Variants in LTO1 observed in about 807,000 individuals in gnomAD.
The protein encoded by LTO1 is protein LTO1 homolog.
A neutral mutation model predicts 19.8 loss-of-function variants in LTO1; 18 were observed. The observed-to-expected ratio is 0.91, with a 90% CI of 0.63 to 1.35. LTO1 has a LOEUF of 1.35. LTO1 is among the 40% of genes most tolerant of loss of function. The pLI is 0.00. For synonymous variants in LTO1, 59 were observed against 59.6 expected (o/e 0.99, Z 0.05); for missense variants, 175 against 167.9 (o/e 1.04, Z -0.23).
chr11:69,667,527 A>G lies in LTO1; in HGVS notation c.406T>C (p.Ser136Pro). 1 of 1,607,140 alleles carries G rather than the reference A, an allele frequency of 6.2e-7. No homozygotes were observed. Among genetic ancestry groups the G allele is most frequent in the East Asian group, 2.2e-5 (1 of 44,850 alleles). The change falls in exon 5 of 5, where the codon TCA becomes CCA. Residue 136 changes from serine to proline, a missense_variant. Ser to Pro is a moderately conservative substitution (Grantham distance 74, BLOSUM62 -1). Coordinates refer to ENST00000279147, the MANE Select transcript of LTO1 (RefSeq NM_153451.3). ...CTGTTCATCCATCCTCCTCAAAATG[A>G]AAGTCCGGAACCTTCTGCACTAATT... ...FKISAEGSGL[S>P]F is the part of the protein sequence containing the mutation.
intron 1 of LTO1, chr11:69,674,981 T>G (rs567512541): frequency 7.2e-6 from 5 of 693,956 alleles, no homozygotes; most frequent in African/African-American, 5.3e-5. Context: ...GAAGAGCAGC[T>G]GGGCACGTGC....
In LTO1 at chr11:69,674,860, G is replaced by A. The variant is rs892198015; in HGVS notation, c.50+330C>T. On this transcript the variant is annotated intron_variant, in intron 1 of 4. Transcript: ENST00000279147. ...GATTAAGGAACCAGAAAAAAAGGCA[G>A]CTCCCAGATGGCAAAGGTCTGTCCT... is the stretch of plus-strand genomic sequence containing the variant. The A allele has an allele frequency of 1.0e-5, 6 of 602,850 alleles. No individual in the cohort carries two copies. In the African/African-American group the frequency reaches 1.1e-4, roughly 11 times the overall value. The allele number at this position is 602,850 out of a possible 1,614,324, so 37.3% of individuals were successfully genotyped here. A position where few individuals can be genotyped will look rare whatever the true frequency, so the allele number is the denominator to read the frequency against.
At chr11:69,673,370 T>G (rs768936586) in intron 1 of LTO1, 49 bp from the exon 2 acceptor site, 1 of 1,288,326 alleles carries the variant, frequency 7.8e-7, no homozygotes. Flanking sequence ...AAAGAATACT[T>G]TCTCCAGAAA....
intron 3 of LTO1, 187 bp from the exon 4 acceptor site, chr11:69,668,199 T>A (rs920566007): frequency 7.3e-6 from 4 of 550,080 alleles, no homozygotes; most frequent in Non-Finnish European, 1.3e-5. Flanking sequence ...CTTAGGCCCA[T>A]ACCCAGTGCC....
At position 69,671,749 on chromosome 11, in the gene LTO1, C is replaced by G; in HGVS notation, c.227G>C (p.Ser76Thr). The G allele has an allele frequency of 6.4e-7, 1 of 1,567,172 alleles. No individual in the cohort carries two copies. Among genetic ancestry groups the G allele is most frequent in the East Asian group, 2.2e-5 (1 of 44,652 alleles). Reference sequence around the variant, plus strand: ...GAAAGAAAGACATCTCCACCTTTACCTGTCCTTCTCAGTGGTGCAACTGTG... The same window carrying G: ...GAAAGAAAGACATCTCCACCTTTACGTGTCCTTCTCAGTGGTGCAACTGTG... ...LLHSCTTEKD[S>T]RKMKVLESLI... The change falls in exon 3 of 5, where the codon AGC (serine) becomes ACC (threonine). Residue 76 changes from serine (S) to threonine (T), a missense_variant and splice_region_variant. Transcript: ENST00000279147.
At chr11:69,668,670 G>GT (rs1203393247) in intron 3 of LTO1, among the ~76,000 whole-genome samples, 16 of 98,886 alleles carry the variant, frequency 1.6e-4, no homozygotes, top group African/African-American at 5.0e-4. Flanking sequence ...ATTAATTTCT[G>GT]TTTTGTTTTT....
Position 69,675,106 on chromosome 11 carries a change from C to A in LTO1, c.50+84G>T, listed in dbSNP as rs557789306. 2.5e-5 allele frequency: 32 copies of A among 1,288,244 alleles called. No individual in the cohort carries two copies. The African/African-American group carries it at 2.9e-4, about 12-fold the overall frequency. 79.8% of individuals were successfully genotyped at this position (1,288,244 alleles called of 1,614,324 possible). ...ACGCCCAAGGGACGCCAGGCTCCAG[C>A]AGCCGCCCTGGGCCGCAGCCGGCGG... On this transcript the variant is annotated intron_variant, in intron 1 of 4. Transcript: ENST00000279147.
At position 69,667,462 on chromosome 11, in the gene LTO1, A is replaced by C; in HGVS notation, c.*57T>G. 3.4e-6 allele frequency: 4 copies of C among 1,179,824 alleles called. No homozygotes were observed. Among genetic ancestry groups the C allele is most frequent in the Non-Finnish European group, 5.1e-6 (4 of 785,550 alleles). The allele number at this position is 1,179,824 out of a possible 1,614,324, so 73.1% of individuals were successfully genotyped here. ...CCGTCTGGCCCTTCACCGCATTTCT[A>C]AACACGTCACACACACATCTGTTCC... On this transcript the variant is annotated 3_prime_UTR_variant, in exon 5 of 5. Transcript: ENST00000279147.
intron 2 of LTO1, 114 bp downstream of exon 2, chr11:69,673,102 C>A: frequency 1.3e-6 from 1 of 766,404 alleles, no homozygotes; most frequent in South Asian, 1.4e-5. Flanking sequence ...CGCGCCCATC[C>A]GGCACTGTGA....
chr11:69,669,047 A>T (rs56150520), intron 3 of LTO1, among the ~76,000 whole-genome samples: 1 of 141,332 alleles, frequency 7.1e-6, no homozygotes, highest in Non-Finnish European at 1.5e-5. Context: ...AAAAAAAAAA[A>T]TTGACATGAA....
At chr11:69,673,407 C>A in intron 1 of LTO1, 86 bp from the exon 2 acceptor site, 1 of 870,226 alleles carries the variant, frequency 1.1e-6, no homozygotes. Flanking sequence ...ATTACCCGGA[C>A]CCAGTAAGAC....
At chr11:69,670,886 GGAA>G (rs774000273) in intron 3 of LTO1, among the ~76,000 whole-genome samples, 3 of 152,012 alleles carry the variant, frequency 2.0e-5, no homozygotes, top group Non-Finnish European at 2.9e-5. Flanking sequence ...GTACAATGCA[GGAA>G]GAAGAGTTTT....
chr11:69,667,631 T>G (rs1856051693), intron 4 of LTO1, 44 bp from the exon 5 acceptor site: 1 of 1,360,190 alleles, frequency 7.4e-7, no homozygotes, highest in Admixed American at 1.7e-5. Flanking sequence ...TGTGCATTTT[T>G]ACTGAAAAAT....
Position 69,667,942 on chromosome 11 carries a change from C to A in LTO1, c.298G>T (p.Asp100Tyr). Residue 100 changes from aspartate to tyrosine, a missense_variant, in exon 4 of 5, where the codon GAT (aspartate) becomes TAT (tyrosine). Transcript: ENST00000279147. ...TTGTCTAAGTCTTCATGGAGTTTAT[C>A]GTAAGTAGGGTCATCATAAGGGAAT... Reference protein sequence around the residue: ...QKFPYDDPTYDKLHEDLDKIR... With the variant: ...QKFPYDDPTYYKLHEDLDKIR... The A allele has an allele frequency of 6.3e-7, 1 of 1,593,712 alleles. No homozygotes were observed. The highest frequency in any genetic ancestry group is 1.1e-5 in the South Asian group (1 of 90,632).
Position 69,675,311 on chromosome 11 carries a change from C to T in LTO1, c.-72G>A, listed in dbSNP as rs1049154249. Reference sequence around the variant, plus strand: ...GGTGCCGTAGCAGACCCGGCAGCTTCAGGCACAAATGCTCCGCTTGGGAGG... The same window carrying T: ...GGTGCCGTAGCAGACCCGGCAGCTTTAGGCACAAATGCTCCGCTTGGGAGG... On this transcript the variant is annotated 5_prime_UTR_variant, in exon 1 of 5. Coordinates refer to ENST00000279147, the MANE Select transcript of LTO1 (RefSeq NM_153451.3). 8.0e-7 allele frequency: 1 copy of T among 1,242,462 alleles called. No homozygotes were observed. The highest frequency in any genetic ancestry group is 1.1e-6 in the Non-Finnish European group (1 of 916,226). 77.0% of individuals were successfully genotyped at this position (1,242,462 alleles called of 1,614,324 possible).
chr11:69,671,547 A>G (rs1003726756), intron 3 of LTO1: 12 of 544,966 alleles, frequency 2.2e-5, no homozygotes, highest in South Asian at 1.8e-4. Context: ...GCCAGTGTTC[A>G]CCAAACACCT....
intron 4 of LTO1, 31 bp from the exon 5 acceptor site, chr11:69,667,618 T>A (rs1436780346): frequency 1.4e-6 from 2 of 1,476,640 alleles, no homozygotes; most frequent in Non-Finnish European, 1.9e-6. Context: ...GTATTTTTAA[T>A]CTTGTGCATT....
At chr11:69,670,825 C>A (rs781613953) in intron 3 of LTO1, among the ~76,000 whole-genome samples, 2 of 152,154 alleles carry the variant, frequency 1.3e-5, no homozygotes, top group African/African-American at 4.8e-5. Flanking sequence ...GGGTTCATTT[C>A]CAGCTTCAGA....
intron 3 of LTO1, among the ~76,000 whole-genome samples, chr11:69,669,810 G>C (rs1335202793): frequency 6.6e-6 from 1 of 152,212 alleles, no homozygotes; most frequent in Non-Finnish European, 1.5e-5. Flanking sequence ...GTGTCACGCA[G>C]TTTACCGGAA....
Sources: gnomAD v4.1 joint callset for allele counts (sites outside exome capture counted in the v4.1 genomes callset) on GRCh38, gnomAD v4.1.1 for gene constraint, MANE v1.5 for transcripts, NCBI Gene and HGNC (gene_info 2026-07-23, HGNC 2026-07-21) for gene names.